The following GPR108 variants were observed in gnomAD, a reference collection of about 807,000 sequenced individuals.
GPR108 encodes G protein-coupled receptor 108.
Under a neutral mutation model 74.3 loss-of-function variants are expected in GPR108, and 60 were observed. That is an observed-to-expected ratio of 0.81 (90% CI 0.66 to 1.00). GPR108 has a LOEUF of 1.00. GPR108 is among the 50% of genes least tolerant of loss of function. The pLI is 0.00. For missense variants in GPR108, 667 were observed against 703.3 expected (o/e 0.95, Z 0.58); for synonymous variants, 311 against 292.4 (o/e 1.06, Z -0.65).
At position 6,737,424 on chromosome 19, in the gene GPR108, A is replaced by C. The variant is rs340137; in HGVS notation, c.120+33T>G. 9.1e-3 allele frequency: 14,379 copies of C among 1,573,154 alleles called. 595 individuals carry two copies. The African/African-American group carries it at 0.12, about 13-fold the overall frequency. On this transcript the variant is annotated intron_variant, in intron 1 of 17. Transcript: ENST00000264080. ...GGCTTCTCCGAGACAAAGTTGCGCCACCGACCCCAGACCCTCGCGCGGCGG... is the reference window on the plus strand; with the variant it reads ...GGCTTCTCCGAGACAAAGTTGCGCCCCCGACCCCAGACCCTCGCGCGGCGG...
At chr19:6,730,900 C>CG in intron 17 of GPR108, 87 bp downstream of exon 17, 1 of 1,143,438 alleles carries the variant, frequency 8.7e-7, no homozygotes, top group Non-Finnish European at 1.3e-6. Context: ...GCTACAGTCC[C>CG]TCCCCCCTGC....
In GPR108 at chr19:6,733,922, A is replaced by T; in HGVS notation, c.550-9T>A. 1 of 1,614,070 alleles carries T rather than the reference A, an allele frequency of 6.2e-7. No homozygotes were observed. Among genetic ancestry groups the T allele is most frequent in the South Asian group, 1.1e-5 (1 of 91,086 alleles). ...TCCTTCCCACTAGGACCCTGAAGGGACAGAGCCCCTCCATCAGCTGGTTCT... is the reference window on the plus strand; with the variant it reads ...TCCTTCCCACTAGGACCCTGAAGGGTCAGAGCCCCTCCATCAGCTGGTTCT... On this transcript the variant is annotated splice_polypyrimidine_tract_variant and intron_variant, in intron 6 of 17. Transcript: ENST00000264080.
At chr19:6,732,909 G>A (rs1366608474) in intron 10 of GPR108, 78 bp downstream of exon 10, 1 of 1,326,980 alleles carries the variant, frequency 7.5e-7, no homozygotes, top group Non-Finnish European at 1.1e-6. Flanking sequence ...ACAGGCCCAG[G>A]GTCTGCAGAG....
In GPR108 at chr19:6,732,010, G is replaced by T. The variant is rs755028706; in HGVS notation, c.1256+15C>A. ...TGCACAGGGCAGAGCCTCAGCCCGGGGGCAGGGTCCTCACCAGACTACGGG... is the reference window on the plus strand; with the variant it reads ...TGCACAGGGCAGAGCCTCAGCCCGGTGGCAGGGTCCTCACCAGACTACGGG... On this transcript the variant is annotated intron_variant, in intron 13 of 17. Transcript: ENST00000264080. 1.9e-6 allele frequency: 3 copies of T among 1,613,728 alleles called. No homozygotes were observed. The highest frequency in any genetic ancestry group is 8.5e-7 in the Non-Finnish European group (1 of 1,179,956).
chr19:6,737,358 C>G, intron 1 of GPR108, 99 bp downstream of exon 1: 5 of 1,385,836 alleles, frequency 3.6e-6, no homozygotes, highest in Non-Finnish European at 4.7e-6. Context: ...TCCACCGCCT[C>G]GGGGACGGGG....
At chr19:6,731,772 G>A in intron 14 of GPR108, 119 bp downstream of exon 14, 2 of 1,189,884 alleles carry the variant, frequency 1.7e-6, no homozygotes, top group Non-Finnish European at 2.4e-6. Context: ...GGGGCATCCA[G>A]GGAGGCAGAG....
rs982432196 is a variant in GPR108 at position 6,735,701 on chromosome 19, G to A, written c.295C>T (p.Arg99Trp). The change falls in exon 4 of 18, where the codon CGG becomes TGG. Residue 99 changes from arginine (R) to tryptophan (W), a missense_variant. Transcript: ENST00000264080. ...RSGRVRSYST[R>W]DFQDCPLQKN... ...TGGAGAGGGCAGTCCTGGAAATCCC[G>A]GGTCTGGGGGGTGGGCAGGAGGGAG... 2.5e-6 allele frequency: 4 copies of A among 1,613,794 alleles called. No individual in the cohort carries two copies. Among genetic ancestry groups the A allele is most frequent in the Non-Finnish European group, 3.4e-6 (4 of 1,179,888 alleles).
intron 1 of GPR108, 27 bp downstream of exon 1, chr19:6,737,430 C>G (rs368902417): frequency 1.0e-5 from 16 of 1,584,998 alleles, no homozygotes; most frequent in East Asian, 4.7e-5. Context: ...CGCCACCGAC[C>G]CCAGACCCTC....
intron 2 of GPR108, among the ~76,000 whole-genome samples, chr19:6,736,365 A>G (rs965420226): frequency 1.3e-5 from 2 of 152,148 alleles, no homozygotes; most frequent in Non-Finnish European, 2.9e-5. Flanking sequence ...CCAAAGTGCT[A>G]GGACTACAAA....
chr19:6,730,461 C>G, intron 17 of GPR108, 77 bp from the exon 18 acceptor site: 1 of 1,209,928 alleles, frequency 8.3e-7, no homozygotes, highest in Non-Finnish European at 1.2e-6. Flanking sequence ...ACCACTCAGG[C>G]CCCGCCCCAC....
intron 10 of GPR108, 23 bp from the exon 11 acceptor site, chr19:6,732,572 A>C: frequency 6.3e-7 from 1 of 1,599,582 alleles, no homozygotes; most frequent in Non-Finnish European, 8.6e-7. Context: ...GGACAGACGG[A>C]CAGTGAGGCG....
In GPR108 at chr19:6,732,155, C is replaced by T. The variant is rs1166354987; in HGVS notation, c.1126G>A (p.Val376Ile). The change falls in exon 13 of 18, where the codon GTC (valine) becomes ATC (isoleucine). Residue 376 changes from valine (V) to isoleucine (I), a missense_variant and splice_region_variant. Coordinates refer to ENST00000264080, the MANE Select transcript of GPR108 (RefSeq NM_001080452.2). ...ATGATGTAGGCCACGTTGGCCAGGACCTGCGCAGGCGGCGGGGGTGGGTGG... is the reference window on the plus strand; with the variant it reads ...ATGATGTAGGCCACGTTGGCCAGGATCTGCGCAGGCGGCGGGGGTGGGTGG... ...KVFGIVIPMQ[V>I]LANVAYIIIE... The T allele has an allele frequency of 6.2e-7, 1 of 1,613,544 alleles. No homozygotes were observed. The highest frequency in any genetic ancestry group is 8.5e-7 in the Non-Finnish European group (1 of 1,179,982).
In GPR108 at chr19:6,732,007, C is replaced by A. The variant is rs2291666; in HGVS notation, c.1256+18G>T. On this transcript the variant is annotated intron_variant, in intron 13 of 17. Transcript: ENST00000264080. ...ATGTGCACAGGGCAGAGCCTCAGCC[C>A]GGGGGCAGGGTCCTCACCAGACTAC... is the stretch of plus-strand genomic sequence containing the variant. 1 of 1,613,142 alleles carries A rather than the reference C, an allele frequency of 6.2e-7. No individual in the cohort carries two copies. The highest frequency in any genetic ancestry group is 8.5e-7 in the Non-Finnish European group (1 of 1,179,712).
chr19:6,736,257 G>A (rs546137193), intron 2 of GPR108, among the ~76,000 whole-genome samples: 4 of 152,236 alleles, frequency 2.6e-5, no homozygotes, highest in Non-Finnish European at 4.4e-5. Context: ...ACCACGCCCG[G>A]CTAATTTTAA....
intron 10 of GPR108, 193 bp downstream of exon 10, chr19:6,732,794 G>T: frequency 1.5e-6 from 1 of 653,444 alleles, no homozygotes; most frequent in Non-Finnish European, 2.7e-6. Context: ...CCAAGGGACA[G>T]TGGTGGACAG....
In GPR108 at chr19:6,736,710, C is replaced by A; in HGVS notation, c.122G>T (p.Gly41Val). The A allele has an allele frequency of 6.2e-7, 1 of 1,614,086 alleles. No individual in the cohort carries two copies. Among genetic ancestry groups the A allele is most frequent in the Non-Finnish European group, 8.5e-7 (1 of 1,180,008 alleles). The change falls in exon 2 of 18, where the codon GGG becomes GTG. Residue 41 changes from glycine (G) to valine (V), a missense_variant and splice_region_variant. Transcript: ENST00000264080. ...CAGCTGGATGTCCGCTCGCTTCTCC[C>A]CCTGCCGGAGACCAAGGAGGCAGAG... ...SGRIHQLALTGEKRADIQLNS... is the reference protein window; with the variant it reads ...SGRIHQLALTVEKRADIQLNS...
chr19:6,737,560 C>A lies in GPR108; in HGVS notation c.17G>T (p.Arg6Met). 6.6e-7 allele frequency: 1 copy of A among 1,517,910 alleles called. No individual in the cohort carries two copies. The highest frequency in any genetic ancestry group is 8.8e-7 in the Non-Finnish European group (1 of 1,139,472). 94.0% of individuals were successfully genotyped at this position (1,517,910 alleles called of 1,614,324 possible). Residue 6 changes from arginine to methionine, a missense_variant, in exon 1 of 18, where the codon AGG becomes ATG. Transcript: ENST00000264080. The part of the protein sequence containing the change: MAVSE[R>M]RGLGRGSPAE... ...GGGGCTCCCGCGGCCGAGCCCCCTC[C>A]TCTCGCTCACTGCCATCTCTGGAGC... is the stretch of plus-strand genomic sequence containing the variant.
chr19:6,735,884 G>A (rs368255624), intron 3 of GPR108, 24 bp downstream of exon 3: 22 of 1,607,694 alleles, frequency 1.4e-5, no homozygotes, highest in African/African-American at 9.4e-5. Flanking sequence ...CCCTTCTCCC[G>A]TCTTCCCCAT....
At chr19:6,731,783 G>T in intron 14 of GPR108, 108 bp downstream of exon 14, 3 of 1,301,616 alleles carry the variant, frequency 2.3e-6, no homozygotes, top group Non-Finnish European at 3.3e-6. Context: ...GGAGGCAGAG[G>T]CCTGGGGGCT....
Sources: allele counts gnomAD v4.1 joint callset (sites outside exome capture counted in the v4.1 genomes callset), GRCh38; gene constraint gnomAD v4.1.1; transcripts MANE v1.5; gene names NCBI Gene and HGNC (gene_info 2026-07-23, HGNC 2026-07-21).